NPY2R: variants seen among roughly 807,000 people sequenced by gnomAD.
NPY2R encodes the protein neuropeptide Y receptor type 2.
A neutral mutation model predicts 22.3 loss-of-function variants in NPY2R; 17 were observed. The ratio of observed to expected loss-of-function variants is 0.76; its 90% confidence interval spans 0.52 to 1.14. The LOEUF (loss-of-function observed/expected upper bound fraction) is 1.14. NPY2R is among the 50% of genes most tolerant of loss of function. The pLI is 0.00. For missense variants in NPY2R, 424 were observed against 467.9 expected (o/e 0.91, Z 0.87); for synonymous variants, 209 against 183.4 (o/e 1.14, Z -1.13).
chr4:155,177,072 T>G, the NPY2R span, among the ~76,000 whole-genome samples: 1 of 152,216 alleles, frequency 6.6e-6, no homozygotes, highest in Non-Finnish European at 1.5e-5. Context: ...CATAAGATTC[T>G]GACACTGGCC....
chr4:155,205,835 A>ATCTATCTATCTG (rs1560761553), upstream of NPY2R, among the ~76,000 whole-genome samples: 6 of 151,782 alleles, frequency 4.0e-5, no homozygotes, highest in Non-Finnish European at 5.9e-5. Context: ...CTATCTATCT[A>ATCTATCTATCTG]TCTATCTATC....
chr4:155,187,872 T>A, the NPY2R span, among the ~76,000 whole-genome samples: 1 of 152,164 alleles, frequency 6.6e-6, no homozygotes, highest in Non-Finnish European at 1.5e-5. Flanking sequence ...GCCACAACCT[T>A]TATCTTTTCC....
chr4:155,200,102 T>A, the NPY2R span, among the ~76,000 whole-genome samples: 2 of 152,064 alleles, frequency 1.3e-5, no homozygotes, highest in African/African-American at 4.8e-5. Flanking sequence ...ATATACCCAT[T>A]TGACAAAGGT....
chr4:155,174,408 G>C, the NPY2R span: 1 of 147,852 alleles, frequency 6.8e-6, no homozygotes, highest in African/African-American at 2.5e-5. Flanking sequence ...TAGGCATTAA[G>C]TGATAGAGCT....
At chr4:155,199,074 T>A in the NPY2R span, among the ~76,000 whole-genome samples, 2 of 152,038 alleles carry the variant, frequency 1.3e-5, no homozygotes, top group African/African-American at 4.8e-5. Context: ...TAATTTTTCC[T>A]TTTTACAAAT....
the NPY2R span, among the ~76,000 whole-genome samples, chr4:155,189,056 C>A: frequency 2.8e-4 from 42 of 152,160 alleles, no homozygotes; most frequent in South Asian, 1.2e-3. Context: ...TCATGTAATT[C>A]TAATATTACG....
the NPY2R span, among the ~76,000 whole-genome samples, chr4:155,188,372 C>A: frequency 6.6e-6 from 1 of 152,066 alleles, no homozygotes; most frequent in Non-Finnish European, 1.5e-5. Context: ...GTCTCTGATT[C>A]AGTGTTTTCA....
chr4:155,183,132 CG>C, the NPY2R span, among the ~76,000 whole-genome samples: 6 of 152,086 alleles, frequency 3.9e-5, no homozygotes, highest in Non-Finnish European at 7.4e-5. Flanking sequence ...ACCATAAGTT[CG>C]GGTATTCCTC....
the NPY2R span, among the ~76,000 whole-genome samples, chr4:155,186,283 T>C: frequency 1.3e-5 from 2 of 152,204 alleles, no homozygotes; most frequent in East Asian, 1.9e-4. Flanking sequence ...AACACAGCTT[T>C]ATATTAACCA....
At chr4:155,194,211 T>C in the NPY2R span, among the ~76,000 whole-genome samples, 1 of 151,960 alleles carries the variant, frequency 6.6e-6, no homozygotes, top group East Asian at 1.9e-4. Context: ...GCATAGTCTT[T>C]ATAGGAAATA....
At chr4:155,204,939 G>C (rs1729252191), upstream of NPY2R, among the ~76,000 whole-genome samples, 1 of 152,038 alleles carries the variant, frequency 6.6e-6, no homozygotes, top group African/African-American at 2.4e-5. Flanking sequence ...ATTCATGTCT[G>C]GCAGTCGGCC....
At chr4:155,191,524 T>C in the NPY2R span, among the ~76,000 whole-genome samples, 1 of 151,958 alleles carries the variant, frequency 6.6e-6, no homozygotes, top group Non-Finnish European at 1.5e-5. Context: ...TACACTGAAG[T>C]ACCATAAATC....
chr4:155,207,624 C>T (rs1729308629), upstream of NPY2R: 1 of 152,246 alleles, frequency 6.6e-6, no homozygotes, highest in South Asian at 2.1e-4. Context: ...AGGAAATAGA[C>T]GCTGCTGCTC....
At chr4:155,190,237 TG>T in the NPY2R span, among the ~76,000 whole-genome samples, 2 of 152,028 alleles carry the variant, frequency 1.3e-5, 1 homozygote, top group East Asian at 3.9e-4. Flanking sequence ...CTAGGAAAAA[TG>T]CTAAGATTAA....
chr4:155,190,809 T>C, the NPY2R span, among the ~76,000 whole-genome samples: 1 of 151,922 alleles, frequency 6.6e-6, no homozygotes, highest in Non-Finnish European at 1.5e-5. Flanking sequence ...GGCGATTCAA[T>C]ATCCAAGCAT....
chr4:155,181,484 T>C, the NPY2R span, among the ~76,000 whole-genome samples: 1 of 152,038 alleles, frequency 6.6e-6, no homozygotes, highest in Non-Finnish European at 1.5e-5. Context: ...CTTACTATGG[T>C]CTGGATGTTT....
At chr4:155,204,058 T>C (rs72972756), upstream of NPY2R, among the ~76,000 whole-genome samples, 1,686 of 152,284 alleles carry the variant, frequency 0.011, 36 homozygotes, top group African/African-American at 0.039. Context: ...GCCTGATTTG[T>C]GGGTTTACTT....
chr4:155,216,262 T>TA lies in NPY2R; in HGVS notation c.*1178dup, dbSNP rs1729511965. 6.0e-6 allele frequency: 1 copy of TA among 166,776 alleles called. No individual in the cohort carries two copies. Among genetic ancestry groups the TA allele is most frequent in the African/African-American group, 2.4e-5 (1 of 41,426 alleles). The allele number at this position is 166,776 out of a possible 1,614,324, so 10.3% of individuals were successfully genotyped here. A position where few individuals can be genotyped will look rare whatever the true frequency, so the allele number is the denominator to read the frequency against. On this transcript the variant is annotated 3_prime_UTR_variant, in exon 2 of 2. Transcript: ENST00000329476. ...TTTTCAAAATAATTAGCTATATTTT[T>TA]ATATAATATGAATATATACATAAAA... is the stretch of plus-strand genomic sequence containing the variant.
At chr4:155,195,082 C>A in the NPY2R span, among the ~76,000 whole-genome samples, 1 of 151,886 alleles carries the variant, frequency 6.6e-6, no homozygotes, top group East Asian at 1.9e-4. Context: ...CAAGAATTTA[C>A]AATGGATAAC....
Sources: gnomAD v4.1 joint callset for allele counts (sites outside exome capture counted in the v4.1 genomes callset) on GRCh38, gnomAD v4.1.1 for gene constraint, MANE v1.5 for transcripts, NCBI Gene and HGNC (gene_info 2026-07-23, HGNC 2026-07-21) for gene names.